ATP6V0A1: variants seen among roughly 807,000 people sequenced by gnomAD.
ATP6V0A1 encodes the protein V-type proton ATPase 116 kDa subunit a 1.
ATP6V0A1 carries 43 observed loss-of-function variants against 105.4 expected under a neutral mutation model. The ratio of observed to expected loss-of-function variants is 0.41; its 90% CI spans 0.32 to 0.53. ATP6V0A1 has a LOEUF of 0.53. Among genes scored for constraint, ATP6V0A1 ranks in the 20% least tolerant of loss-of-function variants. The pLI, the probability that ATP6V0A1 is intolerant of heterozygous loss-of-function variation, is 0.30. For missense variants in ATP6V0A1, 676 were observed against 1,051.1 expected (o/e 0.64, Z 4.93); for synonymous variants, 362 against 372.8 (o/e 0.97, Z 0.33).
At chr17:42,487,768 A>G (rs2090254598) in intron 10 of ATP6V0A1, among the ~76,000 whole-genome samples, 1 of 152,142 alleles carries the variant, frequency 6.6e-6, no homozygotes, top group South Asian at 2.1e-4. Context: ...AAATAGTAAC[A>G]TTAATGTCAT....
At chr17:42,498,243 TAA>T (rs2091367007) in intron 14 of ATP6V0A1, among the ~76,000 whole-genome samples, 2 of 152,038 alleles carry the variant, frequency 1.3e-5, no homozygotes. Flanking sequence ...TCTCAATAAA[TAA>T]ATAAATAAAT....
intron 2 of ATP6V0A1, among the ~76,000 whole-genome samples, chr17:42,464,440 T>A (rs1358663647): frequency 6.6e-6 from 1 of 152,034 alleles, no homozygotes; most frequent in Non-Finnish European, 1.5e-5. Flanking sequence ...TCTAGTTCTG[T>A]CACCCAGGCT....
intron 9 of ATP6V0A1, among the ~76,000 whole-genome samples, chr17:42,485,678 G>A (rs1383952530): frequency 6.6e-6 from 1 of 152,138 alleles, no homozygotes; most frequent in Non-Finnish European, 1.5e-5. Flanking sequence ...AGCCTCCCAA[G>A]TAGCTGGGAC....
intron 9 of ATP6V0A1, among the ~76,000 whole-genome samples, chr17:42,484,852 C>CTT (rs10711845): frequency 8.9e-6 from 1 of 112,194 alleles, no homozygotes; most frequent in Admixed American, 9.5e-5. Flanking sequence ...CTTTTCTTTT[C>CTT]TTTTTTTTTT....
chr17:42,492,549 A>G (rs921343330), intron 11 of ATP6V0A1, among the ~76,000 whole-genome samples: 2 of 150,232 alleles, frequency 1.3e-5, no homozygotes, highest in African/African-American at 4.9e-5. Context: ...TCTACTAAAA[A>G]TACAAAATCA....
At chr17:42,499,470 C>CAAAA in intron 15 of ATP6V0A1, among the ~76,000 whole-genome samples, 1 of 147,720 alleles carries the variant, frequency 6.8e-6, no homozygotes, top group Non-Finnish European at 1.5e-5. Context: ...GACTCTGCCT[C>CAAAA]AAAAAAAATA....
chr17:42,461,084 A>C lies in ATP6V0A1; in HGVS notation c.117+73A>C, dbSNP rs150702353. Reference sequence around the variant, plus strand: ...TATCGTGGTCAGATGCCTTATGATGAATGTTTTGTTTTTTATTTGCAAAAA... The same window carrying C: ...TATCGTGGTCAGATGCCTTATGATGCATGTTTTGTTTTTTATTTGCAAAAA... On this transcript the variant is annotated intron_variant, in intron 2 of 21. Transcript: ENST00000343619. 35 of 1,280,272 alleles carry C rather than the reference A, an allele frequency of 2.7e-5. No homozygotes were observed. In the African/African-American group the frequency reaches 4.6e-4, roughly 17 times the overall value. 79.3% of individuals were successfully genotyped at this position (1,280,272 alleles called of 1,614,324 possible). A position where few individuals can be genotyped will look rare whatever the true frequency, so the allele number is the denominator to read the frequency against.
chr17:42,520,564 C>G (rs1435337125), intron 21 of ATP6V0A1: 1 of 456,860 alleles, frequency 2.2e-6, no homozygotes, highest in African/African-American at 2.0e-5. Context: ...GGAAAGCCTT[C>G]AACATTCACT....
chr17:42,480,696 C>G lies in ATP6V0A1; in HGVS notation c.663C>G (p.Ile221Met). ...TGDYVHKSVF[I>M]IFFQGDQLKN... The stretch of plus-strand genomic sequence containing the variant: ...ACTACGTGCACAAGTCTGTGTTTAT[C>G]ATTTTCTTCCAAGGCGATCAGCTGA... The change falls in exon 8 of 22, where the codon ATC (isoleucine) becomes ATG (methionine). Residue 221 changes from isoleucine to methionine, a missense_variant. Transcript: ENST00000343619. 6.2e-7 allele frequency: 1 copy of G among 1,613,764 alleles called. No homozygotes were observed. The highest frequency in any genetic ancestry group is 8.5e-7 in the Non-Finnish European group (1 of 1,179,864).
At chr17:42,462,998 CTTTTTTTTTTTT>C (rs35135162) in intron 2 of ATP6V0A1, among the ~76,000 whole-genome samples, 4 of 66,188 alleles carry the variant, frequency 6.0e-5, no homozygotes, top group African/African-American at 1.9e-4. Flanking sequence ...GGATATGGAA[CTTTTTTTTTTTT>C]TTTTTTTTTT....
At chr17:42,473,338 G>T (rs1444216465) in intron 5 of ATP6V0A1, among the ~76,000 whole-genome samples, 2 of 152,168 alleles carry the variant, frequency 1.3e-5, no homozygotes, top group African/African-American at 4.8e-5. Context: ...AGACGTTATT[G>T]TATTTTTGTT....
At chr17:42,489,145 T>C (rs1350402594) in intron 10 of ATP6V0A1, among the ~76,000 whole-genome samples, 1 of 148,978 alleles carries the variant, frequency 6.7e-6, no homozygotes, top group Non-Finnish European at 1.5e-5. Context: ...TGATCTCGGC[T>C]CACTGCAACC....
At chr17:42,479,781 G>T (rs1048453087) in intron 7 of ATP6V0A1, among the ~76,000 whole-genome samples, 1 of 152,152 alleles carries the variant, frequency 6.6e-6, no homozygotes, top group African/African-American at 2.4e-5. Flanking sequence ...TTGTGGAAAC[G>T]TTGTAATTTG....
intron 16 of ATP6V0A1, 80 bp downstream of exon 16, chr17:42,501,003 T>G (rs2091622980): frequency 1.4e-6 from 2 of 1,439,982 alleles, no homozygotes; most frequent in South Asian, 1.2e-5. Flanking sequence ...CCTAAAAAAT[T>G]TATAACTGCC....
At chr17:42,467,987 A>C (rs1393544251) in intron 3 of ATP6V0A1, 23 bp from the exon 4 acceptor site, 2 of 1,535,862 alleles carry the variant, frequency 1.3e-6, no homozygotes, top group Non-Finnish European at 1.8e-6. Context: ...TTAGACATGA[A>C]TGTTTTGATT....
intron 5 of ATP6V0A1, chr17:42,470,532 T>C (rs1312643213): frequency 4.7e-6 from 1 of 211,448 alleles, no homozygotes; most frequent in Non-Finnish European, 9.7e-6. Flanking sequence ...AAGTATATGC[T>C]TAAGGTTAAA....
At chr17:42,477,583 G>A (rs1379483994) in intron 5 of ATP6V0A1, 77 bp from the exon 6 acceptor site, 27 of 1,467,172 alleles carry the variant, frequency 1.8e-5, no homozygotes, top group Middle Eastern at 1.7e-4. Flanking sequence ...CTGGTTCCTC[G>A]TTGCCTGCAT....
chr17:42,489,949 A>C (rs1255087940), intron 10 of ATP6V0A1, among the ~76,000 whole-genome samples: 3 of 152,078 alleles, frequency 2.0e-5, no homozygotes, highest in African/African-American at 4.8e-5. Flanking sequence ...CAGGAGGAGA[A>C]CTCCTAAGGA....
intron 5 of ATP6V0A1, among the ~76,000 whole-genome samples, chr17:42,476,213 A>T (rs1294203386): frequency 6.6e-6 from 1 of 152,176 alleles, no homozygotes; most frequent in Non-Finnish European, 1.5e-5. Flanking sequence ...AACTTTTCCA[A>T]TCTCATGACA....
Sources: gnomAD v4.1 joint callset for allele counts (sites outside exome capture counted in the v4.1 genomes callset) on GRCh38, gnomAD v4.1.1 for gene constraint, MANE v1.5 for transcripts, NCBI Gene and HGNC (gene_info 2026-07-23, HGNC 2026-07-21) for gene names.